SCNN1D: variants seen among roughly 807,000 people sequenced by gnomAD.
SCNN1D encodes the protein sodium channel epithelial 1 subunit delta.
SCNN1D carries 104 observed loss-of-function variants against 87.8 expected under a neutral mutation model. The ratio of observed to expected loss-of-function variants is 1.18; its 90% CI spans 1.01 to 1.39. The LOEUF is 1.39. Ranked by LOEUF, SCNN1D falls within the 40% of genes most tolerant of loss-of-function variation. The pLI is 0.00. For missense variants in SCNN1D, 1,324 were observed against 1,093.9 expected (o/e 1.21, Z -2.97); for synonymous variants, 628 against 481.2 (o/e 1.31, Z -3.99).
chr1:1,282,387 A>G, intron 4 of SCNN1D, 72 bp downstream of exon 4: 1 of 1,511,262 alleles, frequency 6.6e-7, no homozygotes. Flanking sequence ...CCCCCAGCCA[A>G]GCCCAGGGAC....
Position 1,288,047 on chromosome 1 carries a change from G to A in SCNN1D, c.1662+10G>A, listed in dbSNP as rs13306645. ...CTCCTACACCAGGCAGGTGAGGCTG[G>A]GCTGGCAGGGGGTGCGGGGGCAGGT... is the stretch of plus-strand genomic sequence containing the variant. On this transcript the variant is annotated intron_variant, in intron 12 of 17. Coordinates refer to ENST00000379116, the MANE Select transcript of SCNN1D (RefSeq NM_001130413.4). The A allele has an allele frequency of 2.7e-3, 4,120 of 1,522,950 alleles. 155 individuals are homozygous for A. The East Asian group carries it at 0.079, about 29-fold the overall frequency. The allele number at this position is 1,522,950 out of a possible 1,614,324, so 94.3% of individuals were successfully genotyped here.
chr1:1,285,939 C>T lies in SCNN1D; in HGVS notation c.572C>T (p.Thr191Met), dbSNP rs748234253. Reference protein sequence around the residue: ...ACKQGQAAAQTPPRPGPPSAP... With the variant: ...ACKQGQAAAQMPPRPGPPSAP... The stretch of plus-strand genomic sequence containing the variant: ...CTCTGCACACAGGCTGCAGCCCAGA[C>T]GCCCCCCAGGCCGGGGCCACCATCA... Residue 191 changes from threonine to methionine, a missense_variant, in exon 7 of 18, where the codon ACG becomes ATG. Coordinates refer to ENST00000379116, the MANE Select transcript of SCNN1D (RefSeq NM_001130413.4). 28 of 1,549,166 alleles carry T rather than the reference C, an allele frequency of 1.8e-5. No homozygotes were observed. The highest frequency in any genetic ancestry group is 4.8e-5 in the South Asian group (4 of 83,668).
chr1:1,280,471 A>T lies in SCNN1D; in HGVS notation c.-191A>T, dbSNP rs77053883. On this transcript the variant is annotated 5_prime_UTR_variant, in exon 1 of 18. Coordinates refer to ENST00000379116, the MANE Select transcript of SCNN1D (RefSeq NM_001130413.4). Reference sequence around the variant, plus strand: ...AGCGAGACTCCATCTCAATAAATAAAAAAAAAAAAGAGTTGTTATCAGTAG... The same window carrying T: ...AGCGAGACTCCATCTCAATAAATAATAAAAAAAAAGAGTTGTTATCAGTAG... The T allele has an allele frequency of 9.1e-3, 4,419 of 483,078 alleles. 47 individuals carry two copies. The highest frequency in any genetic ancestry group is 0.021 in the African/African-American group (1,074 of 50,756). 29.9% of individuals were successfully genotyped at this position (483,078 alleles called of 1,614,324 possible). A position where few individuals can be genotyped will look rare whatever the true frequency, so the allele number is the denominator to read the frequency against.
chr1:1,288,277 C>G (rs1216208960), intron 12 of SCNN1D, among the ~76,000 whole-genome samples: 16 of 73,298 alleles, frequency 2.2e-4, no homozygotes, highest in East Asian at 3.4e-3. Flanking sequence ...GCTCCGTCCC[C>G]CGAGTCTCTG....
rs538819562 is a variant in SCNN1D at position 1,284,810 on chromosome 1, G to A, written c.464+720G>A. 6.6e-5 allele frequency among the ~76,000 whole-genome samples: 10 copies of A among 152,218 alleles called. No homozygotes were observed. In the South Asian group the frequency reaches 1.0e-3, roughly 16 times the overall value. On this transcript the variant is annotated intron_variant, in intron 5 of 17. Coordinates refer to ENST00000379116, the MANE Select transcript of SCNN1D (RefSeq NM_001130413.4). ...GTGTAGTCCTGTCTCACACACACGC[G>A]CACATGCAGGGTGGGGTCCGGCTCC...
At chr1:1,286,310 G>A in intron 7 of SCNN1D, 32 bp downstream of exon 7, 2 of 1,475,552 alleles carry the variant, frequency 1.4e-6, no homozygotes, top group East Asian at 2.4e-5. Flanking sequence ...GGGAGGGGTG[G>A]CCGCCCCAGC....
intron 12 of SCNN1D, 123 bp downstream of exon 12, chr1:1,288,160 C>A (rs138379055): frequency 1.4e-6 from 1 of 698,024 alleles, no homozygotes; most frequent in Non-Finnish European, 2.4e-6. Flanking sequence ...GGGCAGTCCC[C>A]GTGGAGGCCC....
Position 1,286,837 on chromosome 1 carries a change from C to A in SCNN1D, c.981C>A (p.Tyr327Ter), listed in dbSNP as rs1640602334. The change falls in exon 8 of 18, where the codon TAC becomes TAA. Residue 327 changes from tyrosine to a stop codon, truncating the protein, a stop_gained. Transcript: ENST00000379116. LOFTEE classifies it high-confidence loss of function. ...CCAGGGAGAACATTGACTCCCTGTA[C>A]AACGTCAACCTCAGCAAAGGCAGAG... ...EFARENIDSL[Y>*]NVNLSKGRAA... 1.2e-6 allele frequency: 2 copies of A among 1,612,658 alleles called. No individual in the cohort carries two copies. Among genetic ancestry groups the A allele is most frequent in the East Asian group, 4.5e-5 (2 of 44,874 alleles).
intron 12 of SCNN1D, among the ~76,000 whole-genome samples, chr1:1,288,279 G>A (rs1367297760): frequency 4.3e-5 from 4 of 92,400 alleles, no homozygotes; most frequent in African/African-American, 2.4e-4. Context: ...TCCGTCCCCC[G>A]AGTCTCTGCT....
In SCNN1D at chr1:1,290,634, C is replaced by T; in HGVS notation, c.1860-3C>T. 6.2e-7 allele frequency: 1 copy of T among 1,612,656 alleles called. No homozygotes were observed. Among genetic ancestry groups the T allele is most frequent in the Non-Finnish European group, 8.5e-7 (1 of 1,179,930 alleles). On this transcript the variant is annotated splice_polypyrimidine_tract_variant and splice_region_variant and intron_variant, in intron 14 of 17. Coordinates refer to ENST00000379116, the MANE Select transcript of SCNN1D (RefSeq NM_001130413.4). ...GCAGGTGACACCCGGCTGTCTCTTC[C>T]AGGGAGTCTGCATTCAAGCTCTCCA...
At chr1:1,289,962 C>T (rs1450744750) in intron 12 of SCNN1D, among the ~76,000 whole-genome samples, 1 of 50,244 alleles carries the variant, frequency 2.0e-5, no homozygotes. Context: ...GTCTCTGCTC[C>T]GTCCCCCGTG....
intron 15 of SCNN1D, 39 bp from the exon 16 acceptor site, chr1:1,290,856 A>C: frequency 6.2e-7 from 1 of 1,604,662 alleles, no homozygotes; most frequent in Non-Finnish European, 8.5e-7. Context: ...GGCCGGGGGC[A>C]TGGGGGAGCC....
At chr1:1,284,893 C>T (rs140072918) in intron 5 of SCNN1D, among the ~76,000 whole-genome samples, 40 of 152,278 alleles carry the variant, frequency 2.6e-4, no homozygotes, top group African/African-American at 8.7e-4. Context: ...CCCTGACTGG[C>T]CCTCCAGACC....
intron 12 of SCNN1D, among the ~76,000 whole-genome samples, chr1:1,288,258 CG>C (rs1640663352): frequency 4.7e-5 from 6 of 128,194 alleles, no homozygotes; most frequent in South Asian, 6.1e-4. Context: ...TGCTCCGTCC[CG>C]TGTCTCTGCT....
Position 1,290,526 on chromosome 1 carries a change from C to T in SCNN1D, c.1830C>T (p.Pro610=), listed in dbSNP as rs370040438. The T allele has an allele frequency of 2.5e-6, 4 of 1,612,600 alleles. No individual in the cohort carries two copies. The highest frequency in any genetic ancestry group is 3.4e-6 in the Non-Finnish European group (4 of 1,179,948). Residue 610 remains proline (P), a synonymous_variant, in exon 14 of 18, where the codon CCC becomes CCT. Coordinates refer to ENST00000379116, the MANE Select transcript of SCNN1D (RefSeq NM_001130413.4). The part of the protein sequence containing the change: ...LYQDLETHRL[P]CTSRCPRPCR... ...AGGACCTGGAGACCCACCGGCTCCC[C>T]TGTACCTCCCGCTGCCCCAGGCCCT...
At chr1:1,285,779 C>T (rs990620709) in intron 6 of SCNN1D, 115 bp downstream of exon 6, 179 of 1,186,386 alleles carry the variant, frequency 1.5e-4, no homozygotes, top group African/African-American at 1.3e-3. Flanking sequence ...GGGAGAAGGG[C>T]GCAGTGTCAG....
Position 1,281,315 on chromosome 1 carries a change from C to T in SCNN1D, c.77+18C>T. ...CCAAGGAGGTGAGCTCACAGCCATG[C>T]TCGGTCAATGGGGCCTGGCCGTCTT... On this transcript the variant is annotated intron_variant, in intron 2 of 17. Transcript: ENST00000379116. The T allele has an allele frequency of 6.5e-7, 1 of 1,535,706 alleles. No homozygotes were observed. The highest frequency in any genetic ancestry group is 2.0e-5 in the Admixed American group (1 of 51,008).
chr1:1,282,160 T>C (rs1640482917), intron 3 of SCNN1D, 82 bp from the exon 4 acceptor site: 1 of 828,454 alleles, frequency 1.2e-6, no homozygotes, highest in Non-Finnish European at 2.0e-6. Context: ...CAGCCCCATC[T>C]GGCACTCAAG....
In SCNN1D at chr1:1,286,103, C is replaced by T. The variant is rs781244314; in HGVS notation, c.736C>T (p.Arg246Cys). The T allele has an allele frequency of 9.9e-6, 16 of 1,609,948 alleles. No individual in the cohort carries two copies. In the East Asian group the frequency reaches 1.3e-4, roughly 13 times the overall value. Residue 246 changes from arginine to cysteine, a missense_variant, in exon 7 of 18, where the codon CGC becomes TGC. By Grantham distance (180) the Arg-to-Cys change is radical (BLOSUM62 -3). Transcript: ENST00000379116. ...CCGCCTGGTCTGCTCCCGCGGGAACCGCCTCAAGACGACGTCCTGGGGGCT... is the reference window on the plus strand; with the variant it reads ...CCGCCTGGTCTGCTCCCGCGGGAACTGCCTCAAGACGACGTCCTGGGGGCT... ...AIRLVCSRGN[R>C]LKTTSWGLLS...
Sources: allele counts gnomAD v4.1 joint callset (sites outside exome capture counted in the v4.1 genomes callset), GRCh38; gene constraint gnomAD v4.1.1; transcripts MANE v1.5; gene names NCBI Gene and HGNC (gene_info 2026-07-23, HGNC 2026-07-21).